MAGI2: variants seen among roughly 807,000 people sequenced by gnomAD.
MAGI2 encodes the protein membrane-associated guanylate kinase, WW and PDZ domain-containing protein 2.
In MAGI2, 35 loss-of-function variants were observed where a neutral mutation model predicts 133.3. The ratio of observed to expected loss-of-function variants is 0.26; its 90% CI spans 0.20 to 0.35. MAGI2 has a LOEUF of 0.35. Ranked by LOEUF, MAGI2 falls within the 10% of genes least tolerant of loss-of-function variation. The pLI, the probability that MAGI2 is intolerant of heterozygous loss-of-function variation, is 1.00. For synonymous variants in MAGI2, 729 were observed against 710.6 expected (o/e 1.03, Z -0.41); for missense variants, 1,636 against 1,863.4 (o/e 0.88, Z 2.25).
chr7:78,610,839 G>A (rs1238654986), intron 3 of MAGI2, among the ~76,000 whole-genome samples: 3 of 152,250 alleles, frequency 2.0e-5, no homozygotes, highest in South Asian at 2.1e-4. Flanking sequence ...AGAGCAAAGC[G>A]AGTCATCCCG....
chr7:78,555,053 T>C (rs1193668132), intron 3 of MAGI2, among the ~76,000 whole-genome samples: 1 of 151,824 alleles, frequency 6.6e-6, no homozygotes, highest in Non-Finnish European at 1.5e-5. Context: ...GTGAGAGGGT[T>C]ACTTGAGTCC....
At chr7:79,144,845 C>A (rs1038616857) in intron 1 of MAGI2, among the ~76,000 whole-genome samples, 3 of 152,160 alleles carry the variant, frequency 2.0e-5, no homozygotes, top group African/African-American at 7.2e-5. Flanking sequence ...CCATTTTTAA[C>A]ATGCCTTCCC....
At chr7:78,990,792 C>T (rs1033763868) in intron 2 of MAGI2, among the ~76,000 whole-genome samples, 6 of 151,916 alleles carry the variant, frequency 3.9e-5, no homozygotes, top group African/African-American at 1.2e-4. Flanking sequence ...CTATCATTTA[C>T]CACCTATATG....
intron 2 of MAGI2, among the ~76,000 whole-genome samples, chr7:78,703,304 A>T (rs1035955339): frequency 6.6e-6 from 1 of 152,064 alleles, no homozygotes. Flanking sequence ...TTTAAAGTGC[A>T]TAACCCCCTG....
At chr7:78,683,677 C>T (rs1314064479) in intron 2 of MAGI2, among the ~76,000 whole-genome samples, 1 of 152,162 alleles carries the variant, frequency 6.6e-6, no homozygotes, top group East Asian at 1.9e-4. Flanking sequence ...TATCCCACAT[C>T]CCAGGCACTG....
At chr7:79,389,636 C>A (rs2129149342) in intron 1 of MAGI2, among the ~76,000 whole-genome samples, 1 of 151,994 alleles carries the variant, frequency 6.6e-6, no homozygotes, top group East Asian at 1.9e-4. Context: ...AAGCTTTTCC[C>A]AGATATCAAG....
chr7:79,075,351 C>T (rs1278628048), intron 1 of MAGI2, among the ~76,000 whole-genome samples: 1 of 152,136 alleles, frequency 6.6e-6, no homozygotes, highest in Admixed American at 6.6e-5. Flanking sequence ...CTCATGTTAC[C>T]ACATGAGTTG....
chr7:78,067,947 G>A (rs1012633965), intron 21 of MAGI2, among the ~76,000 whole-genome samples: 2 of 152,198 alleles, frequency 1.3e-5, no homozygotes, highest in African/African-American at 4.8e-5. Context: ...AATAGATGGA[G>A]CACAGAGGGT....
chr7:79,010,469 G>C (rs1807964442), intron 1 of MAGI2, among the ~76,000 whole-genome samples: 1 of 152,018 alleles, frequency 6.6e-6, no homozygotes, highest in Non-Finnish European at 1.5e-5. Context: ...AAAAAATACA[G>C]AGTTCTAAAA....
intron 10 of MAGI2, among the ~76,000 whole-genome samples, chr7:78,220,542 T>A (rs1331510703): frequency 6.6e-6 from 1 of 152,236 alleles, no homozygotes. Context: ...GGGCTATTTA[T>A]CCTGAAAGGG....
chr7:78,189,309 A>G (rs1263313372), intron 12 of MAGI2, among the ~76,000 whole-genome samples: 1 of 152,160 alleles, frequency 6.6e-6, no homozygotes, highest in East Asian at 1.9e-4. Context: ...ATATAGTACT[A>G]AAAAACAGTT....
intron 1 of MAGI2, among the ~76,000 whole-genome samples, chr7:79,020,702 C>T (rs931601119): frequency 2.2e-4 from 32 of 148,586 alleles, no homozygotes; most frequent in South Asian, 2.1e-4. Flanking sequence ...GGAGGTGGAG[C>T]TTGAAGTGAG....
intron 1 of MAGI2, among the ~76,000 whole-genome samples, chr7:79,073,461 AG>A (rs1459385588): frequency 6.6e-6 from 1 of 152,060 alleles, no homozygotes; most frequent in Non-Finnish European, 1.5e-5. Context: ...TTGGATAACG[AG>A]TTATATATGT....
chr7:79,007,504 T>A (rs755195775), intron 1 of MAGI2, among the ~76,000 whole-genome samples: 2 of 152,110 alleles, frequency 1.3e-5, no homozygotes, highest in Non-Finnish European at 1.5e-5. Context: ...TACTGAAATA[T>A]TATAGTACAT....
chr7:78,413,384 T>G (rs1444260266), intron 6 of MAGI2, among the ~76,000 whole-genome samples: 2 of 152,084 alleles, frequency 1.3e-5, no homozygotes, highest in Non-Finnish European at 2.9e-5. Context: ...AGATTTGCAT[T>G]TAGAACATGA....
In MAGI2 at chr7:78,018,118, T is replaced by C. The variant is rs1807938388; in HGVS notation, c.*1197A>G. On this transcript the variant is annotated 3_prime_UTR_variant, in exon 22 of 22. Transcript: ENST00000354212. Reference sequence around the variant, plus strand: ...ATCCATGAAGATAAACATCTAGAAGTTGCTAACAAAATAAAGTGGCAAGGA... The same window carrying C: ...ATCCATGAAGATAAACATCTAGAAGCTGCTAACAAAATAAAGTGGCAAGGA... The C allele has an allele frequency of 1.3e-5, 2 of 152,076 alleles. No homozygotes were observed. The highest frequency in any genetic ancestry group is 2.1e-4 in the South Asian group (1 of 4,822). The allele number at this position is 152,076 out of a possible 1,614,324, so 9.4% of individuals were successfully genotyped here. A position where few individuals can be genotyped will look rare whatever the true frequency, so the allele number is the denominator to read the frequency against.
chr7:78,299,525 C>T (rs1405575392), intron 9 of MAGI2, among the ~76,000 whole-genome samples: 5 of 151,904 alleles, frequency 3.3e-5, no homozygotes, highest in African/African-American at 1.2e-4. Context: ...GAAAGAAGTA[C>T]AAAAAAATGC....
intron 1 of MAGI2, among the ~76,000 whole-genome samples, chr7:79,257,805 G>T (rs1283093708): frequency 2.6e-5 from 4 of 151,938 alleles, no homozygotes; most frequent in African/African-American, 7.2e-5. Context: ...CTACTCACGA[G>T]AAAAAGGAAT....
At chr7:78,516,339 T>C (rs2362630) in intron 4 of MAGI2, among the ~76,000 whole-genome samples, 46,794 of 151,780 alleles carry the variant, frequency 0.31, 7,209 homozygotes, top group South Asian at 0.44. Flanking sequence ...GATAGTTGCA[T>C]GACCTGTTTT....
Sources: allele counts gnomAD v4.1 joint callset (sites outside exome capture counted in the v4.1 genomes callset), GRCh38; gene constraint gnomAD v4.1.1; transcripts MANE v1.5; gene names NCBI Gene and HGNC (gene_info 2026-07-23, HGNC 2026-07-21).